Variants in ASAP1 observed in about 807,000 individuals in gnomAD.
ASAP1 encodes arf-GAP with SH3 domain, ANK repeat and PH domain-containing protein 1.
ASAP1 carries 43 observed loss-of-function variants against 145.2 expected under a neutral mutation model. The ratio of observed to expected loss-of-function variants is 0.30; its 90% CI spans 0.23 to 0.38. ASAP1 has a LOEUF of 0.38. Ranked by LOEUF, ASAP1 falls within the 10% of genes least tolerant of loss-of-function variation. ASAP1 has a pLI of 1.00. For missense variants in ASAP1, 1,018 were observed against 1,355.3 expected (o/e 0.75, Z 3.91); for synonymous variants, 546 against 515.5 (o/e 1.06, Z -0.80).
At chr8:130,143,710 G>A (rs1018370804) in intron 13 of ASAP1, among the ~76,000 whole-genome samples, 1 of 152,180 alleles carries the variant, frequency 6.6e-6, no homozygotes, top group Non-Finnish European at 1.5e-5. Flanking sequence ...AACAGAATGA[G>A]TCAATCCCAA....
intron 8 of ASAP1, among the ~76,000 whole-genome samples, chr8:130,179,940 A>G (rs1409341842): frequency 6.6e-6 from 1 of 151,650 alleles, no homozygotes. Context: ...AAACTCAAGG[A>G]GCCAAAGGGT....
intron 3 of ASAP1, among the ~76,000 whole-genome samples, chr8:130,263,382 C>A (rs1351662433): frequency 6.6e-6 from 1 of 152,114 alleles, no homozygotes; most frequent in Non-Finnish European, 1.5e-5. Flanking sequence ...ATGGGCCATG[C>A]ACAAATTTTA....
intron 4 of ASAP1, among the ~76,000 whole-genome samples, chr8:130,233,754 A>T (rs1203818546): frequency 1.3e-5 from 2 of 152,218 alleles, no homozygotes; most frequent in Non-Finnish European, 2.9e-5. Flanking sequence ...ACTGGATTGT[A>T]AAATTCATGA....
At chr8:130,267,101 TC>T (rs11285770) in intron 3 of ASAP1, among the ~76,000 whole-genome samples, 47,150 of 145,434 alleles carry the variant, frequency 0.32, 8,640 homozygotes, top group East Asian at 0.58. Context: ...AGACTCTGTC[TC>T]AAAACAAACA....
At chr8:130,215,180 G>T (rs928864427) in intron 4 of ASAP1, among the ~76,000 whole-genome samples, 5 of 152,150 alleles carry the variant, frequency 3.3e-5, no homozygotes, top group Non-Finnish European at 7.4e-5. Context: ...GATTACAGGT[G>T]TGAGCCACCG....
chr8:130,170,060 A>C (rs1458811215), intron 9 of ASAP1, among the ~76,000 whole-genome samples: 3 of 152,180 alleles, frequency 2.0e-5, no homozygotes, highest in Non-Finnish European at 4.4e-5. Context: ...ATTTCTCAAA[A>C]CACTATCTGT....
chr8:130,376,596 C>T (rs544910220), intron 2 of ASAP1, among the ~76,000 whole-genome samples: 100 of 152,108 alleles, frequency 6.6e-4, no homozygotes, highest in African/African-American at 2.2e-3. Context: ...CATGATGGCG[C>T]GTGCCTGTAG....
intron 13 of ASAP1, among the ~76,000 whole-genome samples, chr8:130,146,298 A>C (rs907742257): frequency 6.6e-6 from 1 of 152,114 alleles, no homozygotes; most frequent in African/African-American, 2.4e-5. Flanking sequence ...TAAAAGTAAA[A>C]AAAACCTTTT....
intron 9 of ASAP1, among the ~76,000 whole-genome samples, chr8:130,175,853 A>G (rs898280339): frequency 1.3e-5 from 2 of 152,240 alleles, no homozygotes; most frequent in African/African-American, 4.8e-5. Flanking sequence ...CAGGGCCTAT[A>G]TAATTCGTCC....
intron 3 of ASAP1, among the ~76,000 whole-genome samples, chr8:130,348,951 G>C (rs1434555439): frequency 6.6e-6 from 1 of 152,254 alleles, no homozygotes; most frequent in Non-Finnish European, 1.5e-5. Context: ...AGAAGGGGCA[G>C]CTTTCACACA....
chr8:130,069,311 T>C (rs1340367341), intron 27 of ASAP1, among the ~76,000 whole-genome samples: 3 of 152,130 alleles, frequency 2.0e-5, no homozygotes, highest in African/African-American at 4.8e-5. Flanking sequence ...TCTTAGCTCA[T>C]TGCAATCTCT....
intron 3 of ASAP1, among the ~76,000 whole-genome samples, chr8:130,263,914 G>A (rs1008819): frequency 0.73 from 111,362 of 152,132 alleles, 41,063 homozygotes; most frequent in East Asian, 0.93. Flanking sequence ...CTAAAGTAAC[G>A]TAGACAATAA....
intron 3 of ASAP1, among the ~76,000 whole-genome samples, chr8:130,314,404 A>G (rs1390551632): frequency 6.6e-6 from 1 of 152,226 alleles, no homozygotes; most frequent in Non-Finnish European, 1.5e-5. Flanking sequence ...GAAACATTAC[A>G]AAGTGGGTAT....
intron 3 of ASAP1, among the ~76,000 whole-genome samples, chr8:130,304,696 T>A (rs1230337204): frequency 6.6e-6 from 1 of 152,206 alleles, no homozygotes; most frequent in Admixed American, 6.5e-5. Flanking sequence ...TAAATGATGA[T>A]CTCACCTAAA....
chr8:130,178,822 G>T (rs756148755), intron 9 of ASAP1, among the ~76,000 whole-genome samples: 5 of 152,066 alleles, frequency 3.3e-5, no homozygotes, highest in African/African-American at 1.2e-4. Flanking sequence ...CCAGGAGGCG[G>T]AGATTAGAGT....
chr8:130,434,879 G>A (rs549214032), intron 1 of ASAP1, among the ~76,000 whole-genome samples: 81 of 152,172 alleles, frequency 5.3e-4, no homozygotes, highest in Non-Finnish European at 9.0e-4. Flanking sequence ...ACCATACACC[G>A]AACAATAGCC....
intron 15 of ASAP1, 60 bp downstream of exon 15, chr8:130,134,236 G>A (rs1442879260): frequency 7.5e-7 from 1 of 1,332,724 alleles, no homozygotes. Context: ...GATGTGTATT[G>A]TAAACAGAGA....
chr8:130,351,810 G>T (rs918573791), intron 3 of ASAP1, among the ~76,000 whole-genome samples: 1 of 152,198 alleles, frequency 6.6e-6, no homozygotes, highest in African/African-American at 2.4e-5. Flanking sequence ...CGACACTGGG[G>T]ACTATGTTTC....
At chr8:130,356,880 G>A (rs531303457) in intron 3 of ASAP1, among the ~76,000 whole-genome samples, 5 of 152,264 alleles carry the variant, frequency 3.3e-5, no homozygotes, top group African/African-American at 1.2e-4. Flanking sequence ...CCGTCCTTGG[G>A]GTGGGGGGCT....
Sources: allele counts gnomAD v4.1 joint callset (sites outside exome capture counted in the v4.1 genomes callset), GRCh38; gene constraint gnomAD v4.1.1; transcripts MANE v1.5; gene names NCBI Gene and HGNC (gene_info 2026-07-23, HGNC 2026-07-21).